The following ABI1 variants were observed in gnomAD, a reference collection of about 807,000 sequenced individuals.
ABI1 encodes Abelson interactor 1.
Under a neutral mutation model 54.6 loss-of-function variants are expected in ABI1, and 14 were observed. That is an observed-to-expected ratio of 0.26 (90% CI 0.17 to 0.40). The LOEUF (loss-of-function observed/expected upper bound fraction) is 0.40. Ranked by LOEUF, ABI1 falls within the 10% of genes least tolerant of loss-of-function variation. The pLI is 1.00. For missense variants in ABI1, 443 were observed against 598.3 expected (o/e 0.74, Z 2.71); for synonymous variants, 194 against 209.3 (o/e 0.93, Z 0.63).
In ABI1 at chr10:26,756,900, T is replaced by G. The variant is rs79333193; in HGVS notation, c.998-1159A>C. The stretch of plus-strand genomic sequence containing the variant: ...GAAAGAAGTTCAGTGTTCAAAGAAG[T>G]AACAAAGCAATTATGTGCATTAATA... On this transcript the variant is annotated intron_variant, in intron 8 of 10. Coordinates refer to ENST00000376140, the MANE Select transcript of ABI1 (RefSeq NM_001012750.3). Among the ~76,000 whole-genome samples, 723 of 152,248 alleles carry G rather than the reference T, an allele frequency of 4.7e-3. 7 individuals are homozygous for G. Among genetic ancestry groups the G allele is most frequent in the South Asian group, 0.015 (71 of 4,828 alleles).
chr10:26,768,838 A>G lies in ABI1; in HGVS notation c.719+14T>C, dbSNP rs779657362. The stretch of plus-strand genomic sequence containing the variant: ...CACTTTAGAGATGTTGAGATACTCA[A>G]CCTAAAGGCTTACCTGTGTGTCCTT... On this transcript the variant is annotated intron_variant, in intron 6 of 10. Coordinates refer to ENST00000376140, the MANE Select transcript of ABI1 (RefSeq NM_001012750.3). 1.2e-6 allele frequency: 2 copies of G among 1,606,898 alleles called. No homozygotes were observed. The highest frequency in any genetic ancestry group is 1.7e-6 in the Non-Finnish European group (2 of 1,176,480).
chr10:26,805,726 T>A (rs1310272281), intron 2 of ABI1, among the ~76,000 whole-genome samples: 1 of 152,168 alleles, frequency 6.6e-6, no homozygotes, highest in East Asian at 1.9e-4. Context: ...GCATATCACG[T>A]CAGTCTGCCA....
chr10:26,786,609 T>C (rs1842759708), intron 2 of ABI1, among the ~76,000 whole-genome samples: 3 of 152,174 alleles, frequency 2.0e-5, no homozygotes, highest in Non-Finnish European at 2.9e-5. Flanking sequence ...CAGAATTAAG[T>C]TGAGGAATCC....
At chr10:26,815,448 A>G (rs2047501640) in intron 2 of ABI1, among the ~76,000 whole-genome samples, 1 of 152,238 alleles carries the variant, frequency 6.6e-6, no homozygotes, top group South Asian at 2.1e-4. Flanking sequence ...CAGTAAGCTC[A>G]GCAGAACACA....
rs758552774 is a variant in ABI1 at position 26,765,223 on chromosome 10, C to G, written c.815G>C (p.Gly272Ala). 2 of 1,600,396 alleles carry G rather than the reference C, an allele frequency of 1.2e-6. No individual in the cohort carries two copies. Among genetic ancestry groups the G allele is most frequent in the Non-Finnish European group, 1.7e-6 (2 of 1,173,746 alleles). The change falls in exon 7 of 11, where the codon GGA (glycine) becomes GCA (alanine). Residue 272 changes from glycine (G) to alanine (A), a missense_variant. Physicochemically the swap from Gly to Ala is moderately conservative, Grantham distance 60. Around this residue, in one of 2 missense-constraint regions of ABI1, gnomAD observed 394 missense variants for 484.8 expected, o/e 0.81. Transcript: ENST00000376140. Reference sequence around the variant, plus strand: ...TAGATTAATAAATAACACACCTGGTCCAATAGTGGGTGGCGAAGGTGTAGG... The same window carrying G: ...TAGATTAATAAATAACACACCTGGTGCAATAGTGGGTGGCGAAGGTGTAGG... ...AVPTPSPPTI[G>A]PAAPGSAPGS...
chr10:26,809,637 AT>A (rs1205035491), intron 2 of ABI1, among the ~76,000 whole-genome samples: 1 of 152,238 alleles, frequency 6.6e-6, no homozygotes, highest in East Asian at 1.9e-4. Flanking sequence ...AAGGGGGGAA[AT>A]ATTAGAATCA....
At chr10:26,834,335 C>A (rs1045997369) in intron 1 of ABI1, among the ~76,000 whole-genome samples, 3 of 152,006 alleles carry the variant, frequency 2.0e-5, no homozygotes, top group Non-Finnish European at 4.4e-5. Flanking sequence ...AATGGAATTA[C>A]ATAAAGCTAA....
At chr10:26,858,920 C>T (rs1287059394) in intron 1 of ABI1, among the ~76,000 whole-genome samples, 3 of 152,158 alleles carry the variant, frequency 2.0e-5, no homozygotes, top group Non-Finnish European at 4.4e-5. Flanking sequence ...CTGACTTCTA[C>T]AGAGAACACA....
At chr10:26,810,301 A>C (rs1342705414) in intron 2 of ABI1, among the ~76,000 whole-genome samples, 1 of 152,196 alleles carries the variant, frequency 6.6e-6, no homozygotes, top group African/African-American at 2.4e-5. Flanking sequence ...GAATGAAGCC[A>C]TAAACATGTA....
At position 26,747,558 on chromosome 10, in the gene ABI1, AC is replaced by A; in HGVS notation, c.*1011del. 9.8e-6 allele frequency: 2 copies of A among 203,128 alleles called. No individual in the cohort carries two copies. Among genetic ancestry groups the A allele is most frequent in the Non-Finnish European group, 2.0e-5 (2 of 98,978 alleles). 12.6% of individuals were successfully genotyped at this position (203,128 alleles called of 1,614,324 possible). A position where few individuals can be genotyped will look rare whatever the true frequency, so the allele number is the denominator to read the frequency against. ...TAACTTCCTTTCATTGAACCAGTGT[AC>A]AACAGTTCACTGTACAACTGAAGGA... On this transcript the variant is annotated 3_prime_UTR_variant, in exon 11 of 11. Coordinates refer to ENST00000376140, the MANE Select transcript of ABI1 (RefSeq NM_001012750.3).
rs138264537 is a variant in ABI1, at chr10:26,794,123, G to A, written c.286-16882C>T. ...GCCGGGCATGACATGTGCGCCTGTA[G>A]TCCCAGCTACTCGAGAGGCTAAGGC... On this transcript the variant is annotated intron_variant, in intron 2 of 10. Transcript: ENST00000376140. Among the ~76,000 whole-genome samples, 1,227 of 152,090 alleles carry A rather than the reference G, an allele frequency of 8.1e-3. 5 individuals carry two copies. The highest frequency in any genetic ancestry group is 0.012 in the Non-Finnish European group (843 of 67,986).
intron 1 of ABI1, among the ~76,000 whole-genome samples, chr10:26,833,804 GA>G (rs2048845771): frequency 7.0e-6 from 1 of 143,524 alleles, no homozygotes; most frequent in Non-Finnish European, 1.5e-5. Context: ...TTCATTACAA[GA>G]AATTCACCCA....
At chr10:26,818,831 A>T (rs966171993) in intron 2 of ABI1, among the ~76,000 whole-genome samples, 12 of 152,022 alleles carry the variant, frequency 7.9e-5, no homozygotes, top group African/African-American at 2.4e-4. Flanking sequence ...CTCTACTAAA[A>T]ATACAAAAAT....
chr10:26,789,872 C>A (rs1372536325), intron 2 of ABI1, among the ~76,000 whole-genome samples: 1 of 152,182 alleles, frequency 6.6e-6, no homozygotes, highest in African/African-American at 2.4e-5. Context: ...TAAGTGAGAA[C>A]ATGCAGTATT....
intron 2 of ABI1, among the ~76,000 whole-genome samples, chr10:26,813,599 G>C (rs937530224): frequency 6.6e-6 from 1 of 152,168 alleles, no homozygotes; most frequent in African/African-American, 2.4e-5. Context: ...AAGTTCCCAA[G>C]ATCCTGTCTT....
At chr10:26,840,122 T>C (rs2049388898) in intron 1 of ABI1, among the ~76,000 whole-genome samples, 1 of 152,322 alleles carries the variant, frequency 6.6e-6, no homozygotes, top group Admixed American at 6.5e-5. Flanking sequence ...AACCTCATGT[T>C]GAAATATGAT....
At chr10:26,807,405 C>T (rs1324500348) in intron 2 of ABI1, among the ~76,000 whole-genome samples, 1 of 151,892 alleles carries the variant, frequency 6.6e-6, no homozygotes, top group Non-Finnish European at 1.5e-5. Flanking sequence ...TCACCTGAGC[C>T]TAGGAAGACA....
intron 7 of ABI1, 41 bp from the exon 8 acceptor site, chr10:26,759,279 A>G (rs1226174182): frequency 6.3e-7 from 1 of 1,595,716 alleles, no homozygotes; most frequent in Non-Finnish European, 8.5e-7. Flanking sequence ...AAGAGACTTG[A>G]GCATTGTAAT....
rs534925114 is a variant in ABI1, at chr10:26,860,135, C to A, written c.117+612G>T. 2.6e-5 allele frequency among the ~76,000 whole-genome samples: 4 copies of A among 152,064 alleles called. No homozygotes were observed. Among genetic ancestry groups the A allele is most frequent in the Non-Finnish European group, 5.9e-5 (4 of 68,020 alleles). On this transcript the variant is annotated intron_variant, in intron 1 of 10. Coordinates refer to ENST00000376140, the MANE Select transcript of ABI1 (RefSeq NM_001012750.3). The surrounding 1 kb of genome is among the most constrained non-coding windows in gnomAD (Gnocchi z 4.1). The stretch of plus-strand genomic sequence containing the variant: ...CGCTTCCTCCTCTCCTCCGGGAGGT[C>A]GGTGTAATGTGACTCATGACAAATT...
Sources: gnomAD v4.1 joint callset for allele counts (sites outside exome capture counted in the v4.1 genomes callset) on GRCh38, gnomAD v4.1.1 for gene constraint, gnomAD v4.1.1 regional missense constraint, Gnocchi (gnomAD v3.1) non-coding constraint, MANE v1.5 for transcripts, NCBI Gene and HGNC (gene_info 2026-07-23, HGNC 2026-07-21) for gene names.